The following KCTD21 variants were observed in gnomAD, a reference collection of about 807,000 sequenced individuals.
The protein encoded by KCTD21 is BTB/POZ domain-containing protein KCTD21.
A neutral mutation model predicts 13.2 loss-of-function variants in KCTD21; 9 were observed. The observed-to-expected ratio is 0.68, with a 90% CI of 0.41 to 1.19. The LOEUF is 1.19. KCTD21 is among the 50% of genes most tolerant of loss of function. The pLI, the probability that KCTD21 is intolerant of heterozygous loss-of-function variation, is 0.01. For missense variants in KCTD21, 303 were observed against 336.5 expected (o/e 0.90, Z 0.78); for synonymous variants, 142 against 137.4 (o/e 1.03, Z -0.23).
chr11:78,188,537 C>T (rs1862888910), intron 1 of KCTD21, 36 bp downstream of exon 1: 4 of 985,374 alleles, frequency 4.1e-6, no homozygotes, highest in South Asian at 9.4e-5. Context: ...CGCCGGTAGT[C>T]CCCGAGCCCC....
chr11:78,182,441 C>T (rs1355362691), intron 1 of KCTD21, among the ~76,000 whole-genome samples: 1 of 152,026 alleles, frequency 6.6e-6, no homozygotes, highest in Non-Finnish European at 1.5e-5. Flanking sequence ...TTGAATAAGA[C>T]ATCTTAGCGC....
chr11:78,178,510 A>G (rs567110593), intron 1 of KCTD21, among the ~76,000 whole-genome samples: 14 of 152,286 alleles, frequency 9.2e-5, no homozygotes, highest in African/African-American at 3.4e-4. Context: ...AAATGACATG[A>G]CACGAGGGGA....
chr11:78,177,208 T>C (rs1356259645), intron 1 of KCTD21, among the ~76,000 whole-genome samples: 1 of 152,204 alleles, frequency 6.6e-6, no homozygotes, highest in Non-Finnish European at 1.5e-5. Context: ...GTGAGAGATA[T>C]TCAGCTGCCA....
Position 78,174,066 on chromosome 11 carries a change from G to A in KCTD21, c.489C>T (p.Leu163=). 6.2e-7 allele frequency: 1 copy of A among 1,614,178 alleles called. No individual in the cohort carries two copies. The highest frequency in any genetic ancestry group is 8.5e-7 in the Non-Finnish European group (1 of 1,180,040). The stretch of plus-strand genomic sequence containing the variant: ...AGAGATTGCCATTGGAGCAGTAGAA[G>A]AGCTTAGAGCCAAGGAGCTTGAGGA... ...CLFLKLLGSK[L]FYCSNGNLSS... is the part of the protein sequence containing the mutation. Residue 163 remains leucine (L), a synonymous_variant, in exon 2 of 2, where the codon CTC becomes CTT. Transcript: ENST00000340067.
chr11:78,185,290 G>GT (rs1862735547), intron 1 of KCTD21, among the ~76,000 whole-genome samples: 1 of 152,124 alleles, frequency 6.6e-6, no homozygotes, highest in African/African-American at 2.4e-5. Context: ...AAGCTTTTAT[G>GT]TAAGCTTGAA....
intron 1 of KCTD21, among the ~76,000 whole-genome samples, chr11:78,180,746 C>T (rs555204430): frequency 3.3e-5 from 5 of 152,218 alleles, no homozygotes; most frequent in African/African-American, 1.2e-4. Context: ...AAATGGTAAC[C>T]GCTGTTGAAA....
At chr11:78,176,611 G>C (rs935752958) in intron 1 of KCTD21, among the ~76,000 whole-genome samples, 2 of 152,198 alleles carry the variant, frequency 1.3e-5, no homozygotes, top group Admixed American at 6.5e-5. Flanking sequence ...AAGAGCCTGT[G>C]CTGGTAGAGG....
intron 1 of KCTD21, among the ~76,000 whole-genome samples, chr11:78,175,854 G>C (rs2136993015): frequency 6.6e-6 from 1 of 152,010 alleles, no homozygotes; most frequent in South Asian, 2.1e-4. Flanking sequence ...TTTAGCATTA[G>C]GTATATCTCC....
Position 78,174,209 on chromosome 11 carries a change from G to T in KCTD21, c.346C>A (p.Leu116Met), listed in dbSNP as rs188938744. Reference sequence around the variant, plus strand: ...TGGACCGTCTGCACACGCTGGTTCAGTGTGATGTTGAGCATGGCATTCTTC... The same window carrying T: ...TGGACCGTCTGCACACGCTGGTTCATTGTGATGTTGAGCATGGCATTCTTC... ...AEKNAMLNITLNQRVQTVHFT... is the reference protein window; with the variant it reads ...AEKNAMLNITMNQRVQTVHFT... Residue 116 changes from leucine (L) to methionine (M), a missense_variant, in exon 2 of 2, where the codon CTG (leucine) becomes ATG (methionine). Coordinates refer to ENST00000340067, the MANE Select transcript of KCTD21 (RefSeq NM_001029859.3). The T allele has an allele frequency of 6.2e-7, 1 of 1,614,086 alleles. No individual in the cohort carries two copies. The highest frequency in any genetic ancestry group is 1.3e-5 in the African/African-American group (1 of 75,020).
At chr11:78,187,361 C>A in intron 1 of KCTD21, 2 of 985,360 alleles carry the variant, frequency 2.0e-6, no homozygotes, top group East Asian at 1.1e-4. Flanking sequence ...TGCTCTATTA[C>A]CATCACAACC....
chr11:78,186,953 T>C (rs769285913), intron 1 of KCTD21: 20 of 985,464 alleles, frequency 2.0e-5, no homozygotes, highest in Non-Finnish European at 2.4e-5. Context: ...GAGGAAGAAA[T>C]TTCTCTCCTG....
At chr11:78,174,872 G>A (rs2136991211) in intron 1 of KCTD21, 1 of 276,526 alleles carries the variant, frequency 3.6e-6, no homozygotes, top group East Asian at 7.0e-5. Context: ...TATTTTAATT[G>A]GTCTGGAATA....
chr11:78,186,439 G>C (rs185700013), intron 1 of KCTD21, among the ~76,000 whole-genome samples: 16 of 149,548 alleles, frequency 1.1e-4, no homozygotes, highest in East Asian at 9.8e-4. Context: ...GTGGGGTAGG[G>C]GCAGACCATG....
At position 78,180,287 on chromosome 11, in the gene KCTD21, C is replaced by T. The variant is rs1045008733; in HGVS notation, c.-29-5704G>A. ...AAGACACAGATGGAGAAAATATTTG[C>T]AAAACACCTATCTGATAAAGGATTG... On this transcript the variant is annotated intron_variant, in intron 1 of 1. Coordinates refer to ENST00000340067, the MANE Select transcript of KCTD21 (RefSeq NM_001029859.3). Among the ~76,000 whole-genome samples, 33 of 152,250 alleles carry T rather than the reference C, an allele frequency of 2.2e-4. 1 individual carries two copies. The highest frequency in any genetic ancestry group is 2.1e-3 in the South Asian group (10 of 4,828).
rs1322740012 is a variant in KCTD21, at chr11:78,185,363, A to C, written c.-30+3210T>G. 7.9e-5 allele frequency among the ~76,000 whole-genome samples: 12 copies of C among 152,200 alleles called. 1 individual carries two copies. ...GAACACTTCTTCATAGGGCCAATAGATGTAAAGTTACAGTCATTGTGCCAG... is the reference window on the plus strand; with the variant it reads ...GAACACTTCTTCATAGGGCCAATAGCTGTAAAGTTACAGTCATTGTGCCAG... On this transcript the variant is annotated intron_variant, in intron 1 of 1. Transcript: ENST00000340067.
At chr11:78,183,381 C>G (rs564891159) in intron 1 of KCTD21, among the ~76,000 whole-genome samples, 1 of 151,960 alleles carries the variant, frequency 6.6e-6, no homozygotes, top group African/African-American at 2.4e-5. Flanking sequence ...ACTAAAAATA[C>G]AAAAAATAGC....
chr11:78,184,605 G>A (rs1862719913), intron 1 of KCTD21, among the ~76,000 whole-genome samples: 1 of 152,110 alleles, frequency 6.6e-6, no homozygotes, highest in African/African-American at 2.4e-5. Flanking sequence ...CCAAAATGTT[G>A]GGATTACAGA....
intron 1 of KCTD21, 26 bp from the exon 2 acceptor site, chr11:78,174,609 G>A (rs1241987998): frequency 6.7e-7 from 1 of 1,496,970 alleles, no homozygotes; most frequent in East Asian, 2.3e-5. Context: ...AGTGAGAAAT[G>A]ACTATAACCA....
chr11:78,185,137 C>T (rs1026100692), intron 1 of KCTD21, among the ~76,000 whole-genome samples: 1 of 152,070 alleles, frequency 6.6e-6, no homozygotes, highest in Non-Finnish European at 1.5e-5. Flanking sequence ...TTAGGGGATA[C>T]ATGTTGAAGA....
Sources: allele counts gnomAD v4.1 joint callset (sites outside exome capture counted in the v4.1 genomes callset), GRCh38; gene constraint gnomAD v4.1.1; transcripts MANE v1.5; gene names NCBI Gene and HGNC (gene_info 2026-07-23, HGNC 2026-07-21).